CCSAP: variants seen among roughly 807,000 people sequenced by gnomAD.
CCSAP encodes the protein centriole, cilia and spindle-associated protein.
In CCSAP, 17 loss-of-function variants were observed where a neutral mutation model predicts 25.9. The observed-to-expected ratio is 0.66, with a 90% CI of 0.45 to 0.99. The LOEUF is 0.99. Among genes scored for constraint, CCSAP ranks in the 50% least tolerant of loss-of-function variants. CCSAP has a pLI of 0.00. For synonymous variants in CCSAP, 169 were observed against 157.1 expected, an observed-to-expected ratio of 1.08 and a Z score of -0.57; for missense variants, 339 against 367.8, an observed-to-expected ratio of 0.92 and a Z score of 0.64.
chr1:229,337,572 G>T (rs972916594), intron 2 of CCSAP, among the ~76,000 whole-genome samples: 2 of 149,604 alleles, frequency 1.3e-5, no homozygotes, highest in African/African-American at 4.9e-5. Context: ...GCAAGGCAGG[G>T]GATCACACAA....
At chr1:229,338,851 A>AG (rs1165784104) in intron 2 of CCSAP, among the ~76,000 whole-genome samples, 2 of 152,114 alleles carry the variant, frequency 1.3e-5, no homozygotes, top group African/African-American at 4.8e-5. Flanking sequence ...GACGGAAAGG[A>AG]GGGAGGTAAG....
chr1:229,329,758 A>G (rs1030497090), intron 2 of CCSAP, among the ~76,000 whole-genome samples: 1 of 152,186 alleles, frequency 6.6e-6, no homozygotes, highest in African/African-American at 2.4e-5. Context: ...TGGGAGGCCA[A>G]CGAGGGTGGA....
Sources: allele counts gnomAD v4.1 joint callset (sites outside exome capture counted in the v4.1 genomes callset), GRCh38; gene constraint gnomAD v4.1.1; transcripts MANE v1.5; gene names NCBI Gene and HGNC (gene_info 2026-07-23, HGNC 2026-07-21).